The following SNX29 variants were observed in gnomAD, a reference collection of about 807,000 sequenced individuals.
SNX29 encodes sorting nexin-29.
In SNX29, 78 loss-of-function variants were observed where a neutral mutation model predicts 102.1. The ratio of observed to expected loss-of-function variants is 0.76; its 90% CI spans 0.64 to 0.92. SNX29 has a LOEUF of 0.92. Among genes scored for constraint, SNX29 ranks in the 40% least tolerant of loss-of-function variants. The pLI, the probability that SNX29 is intolerant of heterozygous loss-of-function variation, is 0.00. For synonymous variants in SNX29, 580 were observed against 414.5 expected (o/e 1.40, Z -4.85); for missense variants, 1,280 against 1,061.7 (o/e 1.21, Z -2.86).
intron 11 of SNX29, among the ~76,000 whole-genome samples, chr16:12,118,777 G>A (rs951361487): frequency 2.6e-5 from 4 of 152,126 alleles, no homozygotes; most frequent in African/African-American, 9.7e-5. Context: ...GGACAGGCAG[G>A]GTAGGGATGC....
intron 6 of SNX29, among the ~76,000 whole-genome samples, 162 bp from the exon 7 acceptor site, chr16:12,048,210 C>T (rs930003136): frequency 4.6e-5 from 7 of 150,900 alleles, no homozygotes; most frequent in African/African-American, 9.8e-5. Context: ...TGCAGTGGCG[C>T]GATTTTCGCT....
intron 4 of SNX29, 94 bp downstream of exon 4, chr16:12,027,538 C>T (rs1249771359): frequency 6.0e-6 from 9 of 1,488,230 alleles, no homozygotes; most frequent in Middle Eastern, 2.5e-4. Context: ...GGGCAGTGAT[C>T]GCGTGGGACT....
At chr16:12,219,775 G>C (rs2077425783) in intron 14 of SNX29, among the ~76,000 whole-genome samples, 1 of 152,220 alleles carries the variant, frequency 6.6e-6, no homozygotes, top group Admixed American at 6.5e-5. Context: ...TCACTGAAAA[G>C]AGTGGATTTA....
chr16:12,514,786 A>G (rs1189776679), intron 19 of SNX29, among the ~76,000 whole-genome samples: 1 of 151,988 alleles, frequency 6.6e-6, no homozygotes, highest in Admixed American at 6.6e-5. Flanking sequence ...AATCACTTGA[A>G]CCGGGGAGGT....
At chr16:12,150,590 T>G (rs1035827924) in intron 13 of SNX29, among the ~76,000 whole-genome samples, 1 of 152,206 alleles carries the variant, frequency 6.6e-6, no homozygotes, top group Non-Finnish European at 1.5e-5. Context: ...CTGAGCCCTG[T>G]GGCAGGTAAT....
intron 14 of SNX29, among the ~76,000 whole-genome samples, chr16:12,256,257 T>G (rs1021524338): frequency 6.6e-6 from 1 of 152,242 alleles, no homozygotes; most frequent in Non-Finnish European, 1.5e-5. Flanking sequence ...GTTCCTTGTA[T>G]ATTTTGGATA....
At chr16:12,399,329 G>A (rs938010054) in intron 17 of SNX29, among the ~76,000 whole-genome samples, 2 of 152,208 alleles carry the variant, frequency 1.3e-5, no homozygotes, top group Non-Finnish European at 2.9e-5. Flanking sequence ...TGGGATTACA[G>A]TTGGGAGCCA....
At position 12,568,593 on chromosome 16, in the gene SNX29, G is replaced by A. The variant is rs376234366; in HGVS notation, c.2406G>A (p.Glu802=). The change falls in exon 21 of 21, where the codon GAG becomes GAA. Residue 802 remains glutamate (E), a synonymous_variant. Coordinates refer to ENST00000566228, the MANE Select transcript of SNX29 (RefSeq NM_032167.5). Reference sequence around the variant, plus strand: ...AACTGTCCCGGGGTCAGCCCCGGGAGACCCGCAACGTGGAGCCCCAGAGCG... The same window carrying A: ...AACTGTCCCGGGGTCAGCCCCGGGAAACCCGCAACGTGGAGCCCCAGAGCG... ...FPKLSRGQPR[E]TRNVEPQSGD... is the part of the protein sequence containing the mutation. 178 of 1,606,074 alleles carry A rather than the reference G, an allele frequency of 1.1e-4. 3 individuals carry two copies. In the East Asian group the frequency reaches 1.2e-3, roughly 11 times the overall value.
At position 12,544,489 on chromosome 16, in the gene SNX29, G is replaced by A. The variant is rs187123986; in HGVS notation, c.2318+19648G>A. 1.9e-4 allele frequency among the ~76,000 whole-genome samples: 28 copies of A among 150,834 alleles called. No individual in the cohort carries two copies. In the East Asian group the frequency reaches 4.4e-3, roughly 24 times the overall value. ...AGAGGCCGATTTTATGATTGGGGTC[G>A]GCTGGGGTCTAGATGGCATTTTTCT... On this transcript the variant is annotated intron_variant, in intron 20 of 20. Coordinates refer to ENST00000566228, the MANE Select transcript of SNX29 (RefSeq NM_032167.5).
intron 11 of SNX29, 145 bp downstream of exon 11, chr16:12,079,060 G>C (rs775183928): frequency 8.3e-6 from 6 of 719,700 alleles, no homozygotes; most frequent in Non-Finnish European, 1.4e-5. Flanking sequence ...GGTGTGGTAC[G>C]TGCTTGTGGA....
intron 13 of SNX29, among the ~76,000 whole-genome samples, chr16:12,189,668 C>T (rs981516695): frequency 2.6e-5 from 4 of 151,928 alleles, no homozygotes; most frequent in Admixed American, 2.6e-4. Flanking sequence ...TTTTTGAGCT[C>T]GAAATACCCT....
intron 3 of SNX29, among the ~76,000 whole-genome samples, chr16:12,018,549 C>T (rs948109713): frequency 9.3e-5 from 14 of 150,598 alleles, no homozygotes; most frequent in Admixed American, 7.3e-4. Flanking sequence ...TGTCACTGCA[C>T]TTCAGCCTGG....
chr16:12,006,509 T>C (rs2056457464), intron 3 of SNX29, among the ~76,000 whole-genome samples: 2 of 145,746 alleles, frequency 1.4e-5, no homozygotes, highest in South Asian at 4.3e-4. Flanking sequence ...AGAGCGATAC[T>C]GTCTCAGAAA....
At chr16:12,559,232 C>G (rs2078568711) in intron 20 of SNX29, among the ~76,000 whole-genome samples, 1 of 152,084 alleles carries the variant, frequency 6.6e-6, no homozygotes. Context: ...CAGCCACTCC[C>G]CATCACTCGC....
At chr16:12,134,975 G>T (rs2054607744) in intron 13 of SNX29, among the ~76,000 whole-genome samples, 1 of 152,142 alleles carries the variant, frequency 6.6e-6, no homozygotes, top group South Asian at 2.1e-4. Flanking sequence ...TAGTTCAAAG[G>T]CCCAAGAGCC....
At chr16:12,374,911 C>T (rs903800589) in intron 16 of SNX29, 12 of 152,160 alleles carry the variant, frequency 7.9e-5, no homozygotes, top group African/African-American at 2.9e-4. Context: ...TACTGGCTTT[C>T]TGTTTGCTAG....
intron 20 of SNX29, among the ~76,000 whole-genome samples, chr16:12,538,229 C>T (rs538308649): frequency 6.6e-6 from 1 of 152,152 alleles, no homozygotes; most frequent in South Asian, 2.1e-4. Flanking sequence ...CATTCTTGTG[C>T]CTCAGTCTCC....
chr16:12,405,677 A>G (rs1170472673), intron 18 of SNX29, among the ~76,000 whole-genome samples: 3 of 152,252 alleles, frequency 2.0e-5, no homozygotes, highest in Non-Finnish European at 4.4e-5. Context: ...TATAAATGAT[A>G]TTGCATAGAA....
At chr16:12,464,621 AT>A (rs2086968806) in intron 18 of SNX29, among the ~76,000 whole-genome samples, 1 of 151,952 alleles carries the variant, frequency 6.6e-6, no homozygotes, top group African/African-American at 2.4e-5. Context: ...CACCTGGCTA[AT>A]TTTTAAACTT....
Sources: allele counts gnomAD v4.1 joint callset (sites outside exome capture counted in the v4.1 genomes callset), GRCh38; gene constraint gnomAD v4.1.1; transcripts MANE v1.5; gene names NCBI Gene and HGNC (gene_info 2026-07-23, HGNC 2026-07-21).